CACHD1: variants seen among roughly 807,000 people sequenced by gnomAD.
CACHD1 encodes VWFA and cache domain-containing protein 1.
In CACHD1, 71 loss-of-function variants were observed where a neutral mutation model predicts 138.7. That is an observed-to-expected ratio of 0.51 (90% CI 0.42 to 0.62). The LOEUF (loss-of-function observed/expected upper bound fraction) is 0.62. Among genes scored for constraint, CACHD1 ranks in the 20% least tolerant of loss-of-function variants. The pLI, the probability that CACHD1 is intolerant of heterozygous loss-of-function variation, is 0.00. For missense variants in CACHD1, 1,389 were observed against 1,625.3 expected, an observed-to-expected ratio of 0.85 and a Z score of 2.50; for synonymous variants, 578 against 591.5, an observed-to-expected ratio of 0.98 and a Z score of 0.33.
chr1:64,528,294 G>A (rs1334128930), intron 1 of CACHD1, among the ~76,000 whole-genome samples: 1 of 152,128 alleles, frequency 6.6e-6, no homozygotes, highest in Non-Finnish European at 1.5e-5. Flanking sequence ...TTAGCATTCT[G>A]GTTTGAAAAC....
intron 3 of CACHD1, among the ~76,000 whole-genome samples, chr1:64,597,139 G>A (rs892262946): frequency 4.6e-5 from 7 of 152,060 alleles, no homozygotes; most frequent in African/African-American, 1.7e-4. Flanking sequence ...TCTAAACTGG[G>A]ACTCCACTGA....
At chr1:64,665,687 C>T (rs1396259073) in intron 15 of CACHD1, among the ~76,000 whole-genome samples, 4 of 152,118 alleles carry the variant, frequency 2.6e-5, no homozygotes, top group African/African-American at 9.7e-5. Flanking sequence ...GCTCACTTTT[C>T]TTTGAAATTT....
intron 12 of CACHD1, among the ~76,000 whole-genome samples, chr1:64,657,132 T>C (rs1470573513): frequency 6.6e-6 from 1 of 152,194 alleles, no homozygotes; most frequent in African/African-American, 2.4e-5. Context: ...ATAGAAGTAC[T>C]GACTATTAGA....
chr1:64,600,399 G>A (rs1325127053), intron 3 of CACHD1, among the ~76,000 whole-genome samples: 1 of 152,158 alleles, frequency 6.6e-6, no homozygotes, highest in Non-Finnish European at 1.5e-5. Context: ...GTGGATCCCA[G>A]GAATCTGCAT....
intron 4 of CACHD1, among the ~76,000 whole-genome samples, chr1:64,608,960 A>T (rs1647430729): frequency 6.6e-6 from 1 of 152,208 alleles, no homozygotes; most frequent in Non-Finnish European, 1.5e-5. Context: ...GTTTGATTTT[A>T]AAGAGCATTT....
At chr1:64,568,767 T>A (rs1646903100) in intron 2 of CACHD1, among the ~76,000 whole-genome samples, 2 of 152,198 alleles carry the variant, frequency 1.3e-5, no homozygotes, top group African/African-American at 4.8e-5. Context: ...TAATCCTGCT[T>A]ACATACACTC....
chr1:64,495,482 G>C (rs1308560815), intron 1 of CACHD1, among the ~76,000 whole-genome samples: 3 of 152,030 alleles, frequency 2.0e-5, no homozygotes, highest in Admixed American at 2.0e-4. Context: ...TTATGTACTT[G>C]AAAAACTAAG....
At chr1:64,485,162 C>T (rs1414162541) in intron 1 of CACHD1, among the ~76,000 whole-genome samples, 1 of 152,196 alleles carries the variant, frequency 6.6e-6, no homozygotes, top group African/African-American at 2.4e-5. Context: ...ATTTGTTTTA[C>T]AGTAGCTATC....
intron 7 of CACHD1, among the ~76,000 whole-genome samples, chr1:64,640,229 G>C (rs530593234): frequency 6.6e-6 from 1 of 152,324 alleles, no homozygotes; most frequent in East Asian, 1.9e-4. Context: ...TCAAGACATG[G>C]AATCACTAAG....
chr1:64,657,768 A>G (rs989601479), intron 12 of CACHD1, among the ~76,000 whole-genome samples: 11 of 152,202 alleles, frequency 7.2e-5, no homozygotes, highest in African/African-American at 2.7e-4. Context: ...AGTAAGTCAC[A>G]TGAGCTGCTT....
intron 1 of CACHD1, among the ~76,000 whole-genome samples, chr1:64,477,038 G>T (rs531925555): frequency 6.6e-6 from 1 of 152,162 alleles, no homozygotes; most frequent in Non-Finnish European, 1.5e-5. Flanking sequence ...GACTCAGCCA[G>T]TTAGTTATTA....
At chr1:64,582,385 G>T in intron 3 of CACHD1, 81 bp downstream of exon 3, 1 of 1,256,862 alleles carries the variant, frequency 8.0e-7, no homozygotes, top group South Asian at 1.4e-5. Flanking sequence ...CAAAATACCT[G>T]TGTTTATTTA....
chr1:64,574,578 T>G (rs1646952999), intron 2 of CACHD1, among the ~76,000 whole-genome samples: 1 of 152,190 alleles, frequency 6.6e-6, no homozygotes, highest in Non-Finnish European at 1.5e-5. Flanking sequence ...GTTCTTTGGA[T>G]TCTCCATTTG....
At chr1:64,541,820 A>T (rs1646679492) in intron 1 of CACHD1, among the ~76,000 whole-genome samples, 1 of 152,218 alleles carries the variant, frequency 6.6e-6, no homozygotes, top group Non-Finnish European at 1.5e-5. Flanking sequence ...GGGTGATAAG[A>T]AAACAAAAAC....
At position 64,473,958 on chromosome 1, in the gene CACHD1, C is replaced by T. The variant is rs191061907; in HGVS notation, c.198+3016C>T. On this transcript the variant is annotated intron_variant, in intron 1 of 26. Transcript: ENST00000651257. ...CTATAGTTTCCCATGACGTAGTTTT[C>T]GCACTTGCTGATAGAGAAGACAGTT... Among the ~76,000 whole-genome samples, 280 of 152,302 alleles carry T rather than the reference C, an allele frequency of 1.8e-3. 2 individuals carry two copies. Among genetic ancestry groups the T allele is most frequent in the Middle Eastern group, 6.8e-3 (2 of 294 alleles).
At chr1:64,626,182 C>T (rs1648094015) in intron 4 of CACHD1, among the ~76,000 whole-genome samples, 1 of 152,176 alleles carries the variant, frequency 6.6e-6, no homozygotes, top group Admixed American at 6.5e-5. Flanking sequence ...TTATCTTTGC[C>T]TCATGCTTTG....
rs114950795 is a variant in CACHD1 at position 64,691,042 on chromosome 1, G to C, written c.3587-281G>C. Among the ~76,000 whole-genome samples the C allele has an allele frequency of 8.2e-3, 1,239 of 151,652 alleles. 20 individuals are homozygous for C. Among genetic ancestry groups the C allele is most frequent in the African/African-American group, 0.029 (1,177 of 41,284 alleles). ...TTTGTGTTGCTGGTTTGGGGATTTG[G>C]GATAAGGGTTCTTGTTTATTTTTTT... On this transcript the variant is annotated intron_variant, in intron 26 of 26. Coordinates refer to ENST00000651257, the MANE Select transcript of CACHD1 (RefSeq NM_020925.4).
intron 2 of CACHD1, among the ~76,000 whole-genome samples, chr1:64,551,458 C>T (rs751896561): frequency 2.0e-5 from 3 of 152,074 alleles, no homozygotes; most frequent in Non-Finnish European, 4.4e-5. Flanking sequence ...CAGTATGTGA[C>T]CATCAACACC....
Position 64,658,801 on chromosome 1 carries a change from C to A in CACHD1, c.1879C>A (p.Leu627Met), listed in dbSNP as rs575987243. The change falls in exon 13 of 27, where the codon CTG (leucine) becomes ATG (methionine). Residue 627 changes from leucine to methionine, a missense_variant. Physicochemically the swap from Leu to Met is conservative, Grantham distance 15 (BLOSUM62 2). This residue lies in a region of CACHD1 where 1,000 missense variants were observed against 1,114.7 expected (regional missense o/e 0.90). Transcript: ENST00000651257. Reference sequence around the variant, plus strand: ...CCTCAACACTGTTCCCAGCAGCAAGCTGCTGTACCACCGGCTGGATCTCCT... The same window carrying A: ...CCTCAACACTGTTCCCAGCAGCAAGATGCTGTACCACCGGCTGGATCTCCT... ...KNLNTVPSSK[L>M]LYHRLDLLGQ... 4 of 1,602,932 alleles carry A rather than the reference C, an allele frequency of 2.5e-6. No homozygotes were observed. In the South Asian group the frequency reaches 4.5e-5, roughly 18 times the overall value.
Sources: allele counts gnomAD v4.1 joint callset (sites outside exome capture counted in the v4.1 genomes callset), GRCh38; gene constraint gnomAD v4.1.1; regional missense constraint gnomAD v4.1.1; transcripts MANE v1.5; gene names NCBI Gene and HGNC (gene_info 2026-07-23, HGNC 2026-07-21).